The following POR variants were observed in gnomAD, a reference collection of about 807,000 sequenced individuals.
POR encodes NADPH--cytochrome P450 reductase.
In POR, 56 loss-of-function variants were observed where a neutral mutation model predicts 84.0. The ratio of observed to expected loss-of-function variants is 0.67; its 90% CI spans 0.54 to 0.83. The LOEUF (loss-of-function observed/expected upper bound fraction) is 0.83. POR is among the 40% of genes least tolerant of loss of function. The pLI, the probability that POR is intolerant of heterozygous loss-of-function variation, is 0.00. For synonymous variants in POR, 414 were observed against 400.5 expected (o/e 1.03, Z -0.40); for missense variants, 938 against 944.3 (o/e 0.99, Z 0.09).
At chr7:75,936,220 C>T (rs1585092225) in intron 1 of POR, among the ~76,000 whole-genome samples, 1 of 151,032 alleles carries the variant, frequency 6.6e-6, no homozygotes, top group African/African-American at 2.4e-5. Context: ...CCTTCTGCCT[C>T]AGCCTCCTGA....
rs1789310917 is a variant in POR, at chr7:75,984,883, G to A, written c.1173G>A (p.Glu391=). 1.9e-6 allele frequency: 3 copies of A among 1,612,522 alleles called. No individual in the cohort carries two copies. The highest frequency in any genetic ancestry group is 2.5e-6 in the Non-Finnish European group (3 of 1,179,772). Reference sequence around the variant, plus strand: ...CGCCGCGTACCAACGTGCTGTACGAGCTGGCGCAGTACGCCTCGGAGCCCT... The same window carrying A: ...CGCCGCGTACCAACGTGCTGTACGAACTGGCGCAGTACGCCTCGGAGCCCT... The change falls in exon 11 of 16, where the codon GAG becomes GAA. Residue 391 remains glutamate, a synonymous_variant. Transcript: ENST00000461988.
chr7:75,931,470 G>A (rs900639507), intron 1 of POR, among the ~76,000 whole-genome samples: 21 of 151,814 alleles, frequency 1.4e-4, no homozygotes, highest in Non-Finnish European at 2.4e-4. Context: ...AGGTTCAAGC[G>A]ATTCTCCTGC....
At chr7:75,933,680 C>T (rs781886229) in intron 1 of POR, among the ~76,000 whole-genome samples, 27 of 152,132 alleles carry the variant, frequency 1.8e-4, no homozygotes, top group Non-Finnish European at 3.4e-4. Flanking sequence ...CGTGAGCCAC[C>T]GCACCCAGCC....
intron 2 of POR, among the ~76,000 whole-genome samples, chr7:75,960,852 G>C (rs2116463488): frequency 6.6e-6 from 1 of 152,206 alleles, no homozygotes; most frequent in Non-Finnish European, 1.5e-5. Context: ...ATGTGTGGCT[G>C]CCTCTAGGGA....
At chr7:75,980,292 A>G (rs1554557492) in intron 4 of POR, 47 bp from the exon 5 acceptor site, 5 of 1,588,446 alleles carry the variant, frequency 3.1e-6, no homozygotes, top group African/African-American at 1.3e-5. Context: ...TGAACCTTGA[A>G]CAGGCTCAGT....
intron 5 of POR, 183 bp from the exon 6 acceptor site, chr7:75,980,865 A>G: frequency 9.2e-7 from 1 of 1,087,800 alleles, no homozygotes. Context: ...CTGCAGGTCA[A>G]CCAGATGAAG....
intron 1 of POR, among the ~76,000 whole-genome samples, chr7:75,949,862 C>CTT (rs1246278311): frequency 2.9e-5 from 4 of 139,870 alleles, no homozygotes; most frequent in African/African-American, 2.6e-5. Flanking sequence ...ACCTGACTTA[C>CTT]TTTTTTTTTT....
chr7:75,939,348 G>T (rs908889536), intron 1 of POR, among the ~76,000 whole-genome samples: 14 of 152,302 alleles, frequency 9.2e-5, no homozygotes, highest in East Asian at 5.8e-4. Flanking sequence ...GGCCAGCGGA[G>T]CCCTCGTGCG....
In POR at chr7:75,986,230, CT is replaced by C; in HGVS notation, c.1888del (p.Tyr630ThrfsTer39). ...AGTTGATCGAAGGCGGTGCCCACAT[CT>C]ACGTCTGTGGGTGAGTGAGTGGGGT... On this transcript the variant is annotated frameshift_variant, in exon 15 of 16. Coordinates refer to ENST00000461988, the MANE Select transcript of POR (RefSeq NM_000941.3). LOFTEE classifies it high-confidence loss of function. The C allele has an allele frequency of 6.2e-7, 1 of 1,612,700 alleles. No individual in the cohort carries two copies. Among genetic ancestry groups the C allele is most frequent in the Non-Finnish European group, 8.5e-7 (1 of 1,179,810 alleles).
intron 7 of POR, chr7:75,981,932 T>C (rs979330183): frequency 4.9e-5 from 28 of 566,568 alleles, no homozygotes; most frequent in Non-Finnish European, 8.2e-5. Context: ...CTCTGTGCCC[T>C]TGATGGCCCC....
intron 4 of POR, chr7:75,979,793 C>T (rs981832676): frequency 3.0e-5 from 19 of 629,286 alleles, no homozygotes; most frequent in Admixed American, 9.5e-5. Flanking sequence ...TGCCAGGCAT[C>T]GTTTCCCCAG....
intron 1 of POR, among the ~76,000 whole-genome samples, chr7:75,950,038 ATT>A (rs1255870554): frequency 7.2e-6 from 1 of 139,454 alleles, no homozygotes; most frequent in Non-Finnish European, 1.6e-5. Context: ...AATTTCTTGT[ATT>A]TTTTTTTTTT....
chr7:75,980,606 G>A (rs1788961420), intron 5 of POR, 118 bp downstream of exon 5: 7 of 1,600,596 alleles, frequency 4.4e-6, no homozygotes, highest in East Asian at 2.3e-5. Flanking sequence ...TCAGCAGCCA[G>A]GGCAGGCCAC....
chr7:75,960,306 A>G (rs1020845190), intron 2 of POR, among the ~76,000 whole-genome samples: 1 of 150,714 alleles, frequency 6.6e-6, no homozygotes, highest in African/African-American at 2.4e-5. Flanking sequence ...AATAATAATA[A>G]TAATAATAAT....
At chr7:75,927,870 C>G (rs575675099) in intron 1 of POR, among the ~76,000 whole-genome samples, 4 of 151,458 alleles carry the variant, frequency 2.6e-5, no homozygotes, top group Non-Finnish European at 5.9e-5. Flanking sequence ...GGGGTTTCAC[C>G]ATGTTGGCTA....
intron 1 of POR, among the ~76,000 whole-genome samples, chr7:75,935,245 A>C (rs1305378182): frequency 6.6e-6 from 1 of 151,952 alleles, no homozygotes; most frequent in Non-Finnish European, 1.5e-5. Flanking sequence ...ACTGTCTGCC[A>C]GGTGCGGTGG....
At chr7:75,968,834 C>T (rs1342212094) in intron 2 of POR, among the ~76,000 whole-genome samples, 6 of 152,236 alleles carry the variant, frequency 3.9e-5, no homozygotes, top group African/African-American at 1.4e-4. Flanking sequence ...CCAGGGCCAG[C>T]CAGCCTGGCA....
chr7:75,960,951 G>T (rs149273132), intron 2 of POR, among the ~76,000 whole-genome samples: 1 of 152,118 alleles, frequency 6.6e-6, no homozygotes, highest in African/African-American at 2.4e-5. Flanking sequence ...GGCAGTATCA[G>T]GCCCAGCGTG....
intron 2 of POR, among the ~76,000 whole-genome samples, chr7:75,965,918 C>T (rs550569878): frequency 7.0e-4 from 106 of 152,190 alleles, no homozygotes; most frequent in East Asian, 5.8e-4. Flanking sequence ...TGAACGTGCC[C>T]GGGGCGCACT....
Sources: allele counts gnomAD v4.1 joint callset (sites outside exome capture counted in the v4.1 genomes callset), GRCh38; gene constraint gnomAD v4.1.1; transcripts MANE v1.5; gene names NCBI Gene and HGNC (gene_info 2026-07-23, HGNC 2026-07-21).